The following DOCK9 variants were observed in gnomAD, a reference collection of about 807,000 sequenced individuals.
The protein encoded by DOCK9 is dedicator of cytokinesis 9, also known as dedicator of cytokinesis protein 9.
In DOCK9, 89 loss-of-function variants were observed where a neutral mutation model predicts 263.3. The ratio of observed to expected loss-of-function variants is 0.34; its 90% CI spans 0.28 to 0.40. The LOEUF is 0.40. DOCK9 is among the 10% of genes least tolerant of loss of function. The pLI is 1.00. For synonymous variants in DOCK9, 976 were observed against 973.1 expected (o/e 1.00, Z -0.06); for missense variants, 2,140 against 2,603.4 (o/e 0.82, Z 3.87).
chr13:98,798,053 A>G (rs566531723), intron 50 of DOCK9, among the ~76,000 whole-genome samples: 1 of 152,304 alleles, frequency 6.6e-6, no homozygotes, highest in African/African-American at 2.4e-5. Flanking sequence ...AGATGTTAGG[A>G]GCAGACAGCA....
In DOCK9 at chr13:98,999,310, A is replaced by T. The variant is rs61968893; in HGVS notation, c.130-43759T>A. Among the ~76,000 whole-genome samples, 1,067 of 125,494 alleles carry T rather than the reference A, an allele frequency of 8.5e-3. 7 individuals carry two copies. The highest frequency in any genetic ancestry group is 0.016 in the East Asian group (78 of 4,794). 82.3% of individuals were successfully genotyped at this position (125,494 alleles called of 152,430 possible). A position where few individuals can be genotyped will look rare whatever the true frequency, so the allele number is the denominator to read the frequency against. On this transcript the variant is annotated intron_variant, in intron 1 of 32. Coordinates refer to the DOCK9 transcript ENST00000427887. ...CACGCGCACACACACACACACACAC[A>T]CACACACTCTCTCTCTCTCTCTCTC...
In DOCK9 at chr13:99,036,691, C is replaced by T. The variant is rs1887917106; in HGVS notation, c.129+49532G>A. 2.6e-5 allele frequency among the ~76,000 whole-genome samples: 4 copies of T among 152,154 alleles called. No homozygotes were observed. The South Asian group carries it at 8.3e-4, about 32-fold the overall frequency. On this transcript the variant is annotated intron_variant, in intron 1 of 32. Coordinates refer to the DOCK9 transcript ENST00000427887. ...CGTAGCTGGGATTACAGGCACACAC[C>T]ACCATGCCCAGCTAATTTTTGTATT...
chr13:98,848,028 G>A (rs1250248139), intron 37 of DOCK9, among the ~76,000 whole-genome samples: 2 of 152,166 alleles, frequency 1.3e-5, no homozygotes, highest in East Asian at 3.9e-4. Context: ...AGGGAGTTCT[G>A]GCCAAGAACA....
In DOCK9 at chr13:98,809,456, G is replaced by A; in HGVS notation, c.5263C>T (p.His1755Tyr). 3 of 1,598,654 alleles carry A rather than the reference G, an allele frequency of 1.9e-6. No homozygotes were observed. Among genetic ancestry groups the A allele is most frequent in the Non-Finnish European group, 2.6e-6 (3 of 1,174,854 alleles). The part of the protein sequence containing the change: ...EKRRDFERLA[H>Y]LYDTLHRAYS... ...GCCCGGTGCAGCGTGTCATACAGAT[G>A]GGCCAGCCTCTGGAAAGCAGAACAA... is the stretch of plus-strand genomic sequence containing the variant. Residue 1755 changes from histidine to tyrosine, a missense_variant, in exon 47 of 53, where the codon CAT (histidine) becomes TAT (tyrosine). Transcript: ENST00000682017.
upstream of DOCK9, among the ~76,000 whole-genome samples, chr13:98,979,572 G>T (rs1876587335): frequency 6.6e-6 from 1 of 152,048 alleles, no homozygotes; most frequent in African/African-American, 2.4e-5. Context: ...ATTATGTAAC[G>T]ATCTCAAAGG....
rs1471512021 is a variant in DOCK9 at position 98,825,371 on chromosome 13, C to G, written c.5024-867G>C. ...GAAGTAAAAACTTGAATTGAGACTTCTACATTTAGGGAGAAAGAGGAACAC... is the reference window on the plus strand; with the variant it reads ...GAAGTAAAAACTTGAATTGAGACTTGTACATTTAGGGAGAAAGAGGAACAC... On this transcript the variant is annotated intron_variant, in intron 44 of 52. Coordinates refer to ENST00000682017, the MANE Select transcript of DOCK9 (RefSeq NM_001366683.2). This position sits in a 1 kb window ranked among gnomAD's most constrained non-coding sequence, Gnocchi z 4.1. 6.6e-6 allele frequency among the ~76,000 whole-genome samples: 1 copy of G among 152,122 alleles called. No homozygotes were observed. The highest frequency in any genetic ancestry group is 1.9e-4 in the East Asian group (1 of 5,196).
intron 1 of DOCK9, among the ~76,000 whole-genome samples, chr13:99,018,630 C>A (rs983926634): frequency 1.3e-5 from 2 of 152,138 alleles, no homozygotes; most frequent in Non-Finnish European, 2.9e-5. Flanking sequence ...AGAAACAGGT[C>A]TCATGATAAT....
At chr13:98,902,201 C>A in intron 12 of DOCK9, 87 bp downstream of exon 12, 1 of 1,408,894 alleles carries the variant, frequency 7.1e-7, no homozygotes, top group East Asian at 2.4e-5. Context: ...TTGTGCATTA[C>A]AAGGTCTAAT....
chr13:98,943,528 T>C (rs2056266375), intron 2 of DOCK9, among the ~76,000 whole-genome samples: 2 of 150,964 alleles, frequency 1.3e-5, no homozygotes, highest in Non-Finnish European at 2.9e-5. Context: ...TCTTCGTTTG[T>C]GTGTGTTCGT....
chr13:98,935,535 G>A (rs188040028), intron 2 of DOCK9, among the ~76,000 whole-genome samples: 21 of 152,248 alleles, frequency 1.4e-4, no homozygotes, highest in East Asian at 1.2e-3. Flanking sequence ...TGAGGGGGCC[G>A]AGGCAGGCAG....
intron 2 of DOCK9, among the ~76,000 whole-genome samples, chr13:98,930,845 T>C (rs2053803062): frequency 6.6e-6 from 1 of 152,202 alleles, no homozygotes; most frequent in South Asian, 2.1e-4. Context: ...GGTTTCTCCA[T>C]GTTGATCAGG....
chr13:99,061,567 C>T (rs1222852590), intron 1 of DOCK9, among the ~76,000 whole-genome samples: 2 of 152,120 alleles, frequency 1.3e-5, no homozygotes, highest in Non-Finnish European at 2.9e-5. Context: ...ACTGGGGAAG[C>T]CAGCGTCAAA....
In DOCK9 at chr13:98,841,616, A is replaced by ATT. The variant is rs763770697; in HGVS notation, c.4199-4009_4199-4008dup. 1.9e-3 allele frequency among the ~76,000 whole-genome samples: 263 copies of ATT among 137,346 alleles called. 1 individual carries two copies. Among genetic ancestry groups the ATT allele is most frequent in the African/African-American group, 5.4e-3 (203 of 37,930 alleles). 90.1% of individuals were successfully genotyped at this position (137,346 alleles called of 152,430 possible). A position where few individuals can be genotyped will look rare whatever the true frequency, so the allele number is the denominator to read the frequency against. On this transcript the variant is annotated intron_variant, in intron 38 of 52. Transcript: ENST00000682017. The stretch of plus-strand genomic sequence containing the variant: ...AATAAGTGTCTTGTTTATGAACAAA[A>ATT]TTTTTTTTTTTTTTTTTTTTTTGGA...
intron 1 of DOCK9, among the ~76,000 whole-genome samples, chr13:99,017,962 A>AT (rs34314773): frequency 1.3e-5 from 2 of 152,262 alleles, no homozygotes; most frequent in Non-Finnish European, 2.9e-5. Context: ...TTCACAACAT[A>AT]TATCATCATA....
intron 1 of DOCK9, among the ~76,000 whole-genome samples, chr13:98,958,410 C>T (rs541634598): frequency 6.6e-6 from 1 of 152,360 alleles, no homozygotes; most frequent in African/African-American, 2.4e-5. Flanking sequence ...GGGTGAGAGG[C>T]TCTTCCCAGT....
intron 10 of DOCK9, 38 bp downstream of exon 10, chr13:98,904,594 A>G (rs183981867): frequency 7.0e-4 from 1,002 of 1,427,204 alleles, no homozygotes; most frequent in Non-Finnish European, 9.0e-4. Context: ...TCTCTCCCAC[A>G]TTTGGTTTTA....
At chr13:99,048,252 A>C (rs566947048) in intron 1 of DOCK9, among the ~76,000 whole-genome samples, 10 of 152,272 alleles carry the variant, frequency 6.6e-5, no homozygotes, top group South Asian at 6.2e-4. Flanking sequence ...ATTTTCACCA[A>C]GTTTCCAGTT....
intron 1 of DOCK9, among the ~76,000 whole-genome samples, chr13:99,076,203 T>C (rs2041904700): frequency 6.6e-6 from 1 of 152,230 alleles, no homozygotes; most frequent in Non-Finnish European, 1.5e-5. Context: ...ACGTGCTCCT[T>C]GCAAAACTCA....
At chr13:99,013,559 C>T (rs542002847) in intron 1 of DOCK9, among the ~76,000 whole-genome samples, 30 of 152,174 alleles carry the variant, frequency 2.0e-4, no homozygotes, top group Middle Eastern at 3.4e-3. Flanking sequence ...AAAGGTGTGC[C>T]GGGGCATTTT....
Sources: allele counts gnomAD v4.1 joint callset (sites outside exome capture counted in the v4.1 genomes callset), GRCh38; gene constraint gnomAD v4.1.1; non-coding constraint Gnocchi (gnomAD v3.1); transcripts MANE v1.5; gene names NCBI Gene and HGNC (gene_info 2026-07-23, HGNC 2026-07-21).